The following ZNF423 variants were observed in gnomAD, a reference collection of about 807,000 sequenced individuals.
ZNF423 encodes the protein Ebf-associated zinc finger protein.
In ZNF423, 12 loss-of-function variants were observed where a neutral mutation model predicts 95.8. The ratio of observed to expected loss-of-function variants is 0.13; its 90% confidence interval spans 0.08 to 0.20. The LOEUF is 0.20. Ranked by LOEUF, ZNF423 falls within the 10% of genes least tolerant of loss-of-function variation. The pLI is 1.00. For missense variants in ZNF423, 1,316 were observed against 1,737.1 expected (o/e 0.76, Z 4.31); for synonymous variants, 749 against 711.9 (o/e 1.05, Z -0.83).
chr16:49,767,152 C>T (rs983487408), intron 2 of ZNF423, among the ~76,000 whole-genome samples: 1 of 151,954 alleles, frequency 6.6e-6, no homozygotes, highest in Admixed American at 6.6e-5. Context: ...GATGGGGTCT[C>T]GCTATGCTGC....
intron 2 of ZNF423, among the ~76,000 whole-genome samples, chr16:49,767,259 A>G (rs2033947167): frequency 6.6e-6 from 1 of 152,102 alleles, no homozygotes; most frequent in African/African-American, 2.4e-5. Context: ...CCCAGAACCC[A>G]ATTCTTAACC....
In ZNF423 at chr16:49,789,046, G is replaced by T. The variant is rs2034365996; in HGVS notation, c.100+441C>A. The stretch of plus-strand genomic sequence containing the variant: ...CTCCCTCTATTACCTCTCCCTGGAG[G>T]CATGAGCTCAGCTCTGCCAGCCCTG... On this transcript the variant is annotated intron_variant, in intron 2 of 7. Coordinates refer to ENST00000563137, the MANE Select transcript of ZNF423 (RefSeq NM_001379286.1). 2.6e-5 allele frequency among the ~76,000 whole-genome samples: 4 copies of T among 152,332 alleles called. No homozygotes were observed. The South Asian group carries it at 8.3e-4, about 32-fold the overall frequency.
intron 3 of ZNF423, among the ~76,000 whole-genome samples, chr16:49,706,175 G>T (rs1270321253): frequency 6.6e-6 from 1 of 152,208 alleles, no homozygotes; most frequent in Non-Finnish European, 1.5e-5. Flanking sequence ...GAAAAAAAAT[G>T]AATTTTGGTC....
chr16:49,840,279 T>C (rs1339585814), intron 1 of ZNF423, among the ~76,000 whole-genome samples: 2 of 152,198 alleles, frequency 1.3e-5, no homozygotes, highest in Non-Finnish European at 2.9e-5. Context: ...ATTTTAACTC[T>C]GTTTAATCCA....
At chr16:49,753,175 C>T (rs1378947508) in intron 2 of ZNF423, among the ~76,000 whole-genome samples, 1 of 151,460 alleles carries the variant, frequency 6.6e-6, no homozygotes, top group African/African-American at 2.4e-5. Context: ...ACCCGGGAGG[C>T]AGAGGTTGCA....
chr16:49,688,035 T>G (rs1596857601), intron 3 of ZNF423, among the ~76,000 whole-genome samples: 1 of 124,894 alleles, frequency 8.0e-6, no homozygotes, highest in Admixed American at 9.3e-5. Flanking sequence ...TGGGAGCGGG[T>G]GCTGCAGACC....
At chr16:49,568,200 G>T (rs1333591465) in intron 5 of ZNF423, among the ~76,000 whole-genome samples, 2 of 152,156 alleles carry the variant, frequency 1.3e-5, no homozygotes, top group Non-Finnish European at 1.5e-5. Flanking sequence ...AGAGCCAATT[G>T]TAAGAATTTT....
At chr16:49,788,388 T>C (rs777772135) in intron 2 of ZNF423, among the ~76,000 whole-genome samples, 5 of 152,242 alleles carry the variant, frequency 3.3e-5, no homozygotes, top group African/African-American at 1.2e-4. Flanking sequence ...ATTAACACTT[T>C]CTTGTCAACT....
chr16:49,821,024 C>T (rs74610815), intron 1 of ZNF423, among the ~76,000 whole-genome samples: 80 of 152,302 alleles, frequency 5.3e-4, no homozygotes, highest in African/African-American at 1.8e-3. Context: ...GAGCCTTGTT[C>T]GCCTCGGAAG....
intron 4 of ZNF423, among the ~76,000 whole-genome samples, chr16:49,626,535 C>T (rs1395248757): frequency 1.3e-5 from 2 of 152,048 alleles, no homozygotes; most frequent in Non-Finnish European, 2.9e-5. Flanking sequence ...GGCCTCCTTG[C>T]TTAGAAGGGC....
chr16:49,695,628 T>C (rs1404122487), intron 3 of ZNF423, among the ~76,000 whole-genome samples: 2 of 152,214 alleles, frequency 1.3e-5, no homozygotes, highest in Non-Finnish European at 2.9e-5. Context: ...AGTTTCGCCA[T>C]GTTGGCCAAG....
chr16:49,534,668 CA>C (rs1968994965), intron 5 of ZNF423, among the ~76,000 whole-genome samples: 2 of 152,216 alleles, frequency 1.3e-5, no homozygotes, highest in African/African-American at 4.8e-5. Flanking sequence ...GCTCCTCTTT[CA>C]GGGCATATGG....
At chr16:49,525,160 C>T (rs2151708290) in intron 6 of ZNF423, among the ~76,000 whole-genome samples, 1 of 152,278 alleles carries the variant, frequency 6.6e-6, no homozygotes, top group African/African-American at 2.4e-5. Context: ...CCAGAGAGCA[C>T]TGAAGGAGGG....
intron 3 of ZNF423, among the ~76,000 whole-genome samples, chr16:49,716,711 C>T (rs990645328): frequency 6.6e-6 from 1 of 152,092 alleles, no homozygotes; most frequent in Non-Finnish European, 1.5e-5. Context: ...CCCTGCTCCC[C>T]GGCTTTTGCT....
intron 1 of ZNF423, among the ~76,000 whole-genome samples, chr16:49,801,729 C>T (rs997957897): frequency 6.6e-6 from 1 of 152,182 alleles, no homozygotes; most frequent in Admixed American, 6.5e-5. Flanking sequence ...GACTTTGATG[C>T]GTGCTTAAGT....
rs71380366 is a variant in ZNF423, at chr16:49,646,574, C to CTTTTTTTTTTTTTTTTTTTTTTTTTT, written c.302-7701_302-7700insAAAAAAAAAAAAAAAAAAAAAAAAAA. On this transcript the variant is annotated intron_variant, in intron 3 of 7. Coordinates refer to ENST00000563137, the MANE Select transcript of ZNF423 (RefSeq NM_001379286.1). ...TTATGGCACATTTTCTTTTCTTTTTCTTTTTTTTTTTTTTGAGAAGGAGTC... is the reference window on the plus strand; with the variant it reads ...TTATGGCACATTTTCTTTTCTTTTTCTTTTTTTTTTTTTTTTTTTTTTTTTTTTTTTTTTTTTTTTGAGAAGGAGTC... 2.7e-4 allele frequency among the ~76,000 whole-genome samples: 32 copies of CTTTTTTTTTTTTTTTTTTTTTTTTTT among 117,990 alleles called. 2 individuals are homozygous for CTTTTTTTTTTTTTTTTTTTTTTTTTT. The highest frequency in any genetic ancestry group is 4.8e-4 in the East Asian group (2 of 4,146). The allele number at this position is 117,990 out of a possible 152,430, so 77.4% of individuals were successfully genotyped here. A position where few individuals can be genotyped will look rare whatever the true frequency, so the allele number is the denominator to read the frequency against.
chr16:49,835,464 A>G (rs1388212865), intron 1 of ZNF423, among the ~76,000 whole-genome samples: 1 of 152,222 alleles, frequency 6.6e-6, no homozygotes, highest in Non-Finnish European at 1.5e-5. Context: ...GGAGGAAGGC[A>G]GGAAATGGCA....
intron 5 of ZNF423, among the ~76,000 whole-genome samples, chr16:49,528,471 C>T (rs1404360190): frequency 6.6e-6 from 1 of 152,120 alleles, no homozygotes; most frequent in African/African-American, 2.4e-5. Flanking sequence ...CCCAACAGAC[C>T]ACTGTGTGTC....
At chr16:49,820,854 A>G (rs546195904) in intron 1 of ZNF423, among the ~76,000 whole-genome samples, 1 of 152,362 alleles carries the variant, frequency 6.6e-6, no homozygotes, top group African/African-American at 2.4e-5. Context: ...ATTGAAGTTT[A>G]GCTCTTAAGA....
Sources: allele counts gnomAD v4.1 joint callset (sites outside exome capture counted in the v4.1 genomes callset), GRCh38; gene constraint gnomAD v4.1.1; transcripts MANE v1.5; gene names NCBI Gene and HGNC (gene_info 2026-07-23, HGNC 2026-07-21).